EYS: variants seen among roughly 807,000 people sequenced by gnomAD.
The protein encoded by EYS is EGF-like photoreceptor maintenance factor.
Under a neutral mutation model 282.1 loss-of-function variants are expected in EYS, and 250 were observed. The ratio of observed to expected loss-of-function variants is 0.89; its 90% CI spans 0.80 to 0.98. The LOEUF is 0.98. EYS is among the 50% of genes least tolerant of loss of function. EYS has a pLI of 0.00. For synonymous variants in EYS, 1,355 were observed against 1,282.9 expected (o/e 1.06, Z -1.20); for missense variants, 4,016 against 3,709.0 (o/e 1.08, Z -2.15).
intron 31 of EYS, among the ~76,000 whole-genome samples, chr6:64,088,546 T>A (rs1342051090): frequency 6.6e-6 from 1 of 151,944 alleles, no homozygotes; most frequent in Admixed American, 6.6e-5. Flanking sequence ...CTAAATTATA[T>A]TAAAAAAAAT....
intron 28 of EYS, among the ~76,000 whole-genome samples, chr6:64,422,965 ACTTT>A (rs3046627): frequency 0.28 from 41,930 of 151,884 alleles, 5,870 homozygotes; most frequent in East Asian, 0.46. Flanking sequence ...CATATAAAAT[ACTTT>A]CTTTTTTATT....
At chr6:64,740,593 C>T (rs1772336801) in intron 22 of EYS, among the ~76,000 whole-genome samples, 1 of 152,128 alleles carries the variant, frequency 6.6e-6, no homozygotes, top group Admixed American at 6.6e-5. Flanking sequence ...AAGGTGATGG[C>T]TCTACTCTGG....
chr6:64,438,366 A>G (rs1263185917), intron 27 of EYS, among the ~76,000 whole-genome samples: 1 of 151,820 alleles, frequency 6.6e-6, no homozygotes, highest in Non-Finnish European at 1.5e-5. Flanking sequence ...ATGATACATT[A>G]GCGATTAGAG....
At chr6:64,243,630 A>T (rs1294811943) in intron 30 of EYS, among the ~76,000 whole-genome samples, 1 of 152,240 alleles carries the variant, frequency 6.6e-6, no homozygotes, top group Non-Finnish European at 1.5e-5. Context: ...AGCACAGGAC[A>T]GTAGTGTCCT....
chr6:64,079,061 A>G (rs897494242), intron 32 of EYS, among the ~76,000 whole-genome samples: 1 of 151,900 alleles, frequency 6.6e-6, no homozygotes, highest in Non-Finnish European at 1.5e-5. Context: ...CTAGAAAATC[A>G]CTTTTCTTTG....
chr6:64,841,597 G>T (rs533190574), intron 19 of EYS, among the ~76,000 whole-genome samples: 1 of 152,158 alleles, frequency 6.6e-6, no homozygotes, highest in Admixed American at 6.6e-5. Context: ...CCGAAATCCA[G>T]AACATTGTCT....
At chr6:63,843,427 G>A (rs746892185) in intron 36 of EYS, among the ~76,000 whole-genome samples, 3 of 152,136 alleles carry the variant, frequency 2.0e-5, no homozygotes, top group Non-Finnish European at 2.9e-5. Context: ...GTACAGGAAT[G>A]CTTGTAATTT....
intron 19 of EYS, among the ~76,000 whole-genome samples, chr6:64,883,883 A>G (rs1025986133): frequency 4.6e-5 from 7 of 151,506 alleles, no homozygotes; most frequent in Admixed American, 2.0e-4. Flanking sequence ...AATACTCTAG[A>G]TAAATTAATT....
Position 65,669,944 on chromosome 6 carries a change from A to G in EYS, c.-447-30052T>C, listed in dbSNP as rs189543056. On this transcript the variant is annotated intron_variant, in intron 1 of 42. Transcript: ENST00000503581. ...ATACTTGTGATAGCATTAATGGTACATAGCATATAGTTAGTCCTAATAAAA... is the reference window on the plus strand; with the variant it reads ...ATACTTGTGATAGCATTAATGGTACGTAGCATATAGTTAGTCCTAATAAAA... 3.1e-3 allele frequency among the ~76,000 whole-genome samples: 476 copies of G among 152,140 alleles called. 20 individuals carry two copies. The highest frequency in any genetic ancestry group is 0.028 in the Admixed American group (425 of 15,250).
At chr6:65,018,728 C>T (rs896653750) in intron 13 of EYS, among the ~76,000 whole-genome samples, 1 of 151,686 alleles carries the variant, frequency 6.6e-6, no homozygotes, top group Non-Finnish European at 1.5e-5. Context: ...TTTAAAAGAC[C>T]ATGTTCTTCT....
intron 22 of EYS, among the ~76,000 whole-genome samples, chr6:64,657,694 C>A (rs1300462244): frequency 1.3e-5 from 2 of 152,204 alleles, no homozygotes; most frequent in Admixed American, 6.5e-5. Flanking sequence ...CCACTCTCTT[C>A]TGGCTTGTAG....
intron 28 of EYS, among the ~76,000 whole-genome samples, chr6:64,402,184 T>A (rs1324619120): frequency 6.6e-6 from 1 of 152,202 alleles, no homozygotes; most frequent in African/African-American, 2.4e-5. Flanking sequence ...ATTTGCAGTC[T>A]TAGTGATCTC....
chr6:64,616,398 C>A (rs1323952399), intron 24 of EYS, among the ~76,000 whole-genome samples: 3 of 152,054 alleles, frequency 2.0e-5, no homozygotes, highest in East Asian at 1.9e-4. Context: ...TTAGAGAATT[C>A]TCAGAGAAAG....
intron 32 of EYS, among the ~76,000 whole-genome samples, chr6:64,077,594 A>G (rs1236072445): frequency 6.6e-6 from 1 of 152,078 alleles, no homozygotes; most frequent in African/African-American, 2.4e-5. Flanking sequence ...CTCTCCTCCC[A>G]CTGGAGTTGC....
At chr6:64,967,874 T>G (rs1770151048) in intron 14 of EYS, among the ~76,000 whole-genome samples, 1 of 152,198 alleles carries the variant, frequency 6.6e-6, no homozygotes, top group African/African-American at 2.4e-5. Context: ...TAATATTTGT[T>G]GTATGGTGTT....
At chr6:65,621,959 C>G (rs1331992040) in intron 2 of EYS, among the ~76,000 whole-genome samples, 3 of 151,970 alleles carry the variant, frequency 2.0e-5, no homozygotes, top group South Asian at 4.2e-4. Context: ...TTCCTTGTGG[C>G]AAATATTGTG....
chr6:65,514,460 A>G (rs1767038202), intron 2 of EYS, among the ~76,000 whole-genome samples: 2 of 152,226 alleles, frequency 1.3e-5, no homozygotes, highest in Admixed American at 1.3e-4. Flanking sequence ...ATATGGAACC[A>G]AAAAAGAGCT....
chr6:64,328,539 C>T (rs1158709394), intron 29 of EYS, among the ~76,000 whole-genome samples: 1 of 152,194 alleles, frequency 6.6e-6, no homozygotes, highest in Non-Finnish European at 1.5e-5. Context: ...GCTTTACACA[C>T]CATTTGACCC....
intron 35 of EYS, among the ~76,000 whole-genome samples, chr6:63,975,586 TG>T (rs2149786627): frequency 6.6e-6 from 1 of 152,192 alleles, no homozygotes; most frequent in South Asian, 2.1e-4. Context: ...AGTACTTTTT[TG>T]CTTATCACAA....
Sources: allele counts gnomAD v4.1 joint callset (sites outside exome capture counted in the v4.1 genomes callset), GRCh38; gene constraint gnomAD v4.1.1; transcripts MANE v1.5; gene names NCBI Gene and HGNC (gene_info 2026-07-23, HGNC 2026-07-21).